The following AUTS2 variants were observed in gnomAD, a reference collection of about 807,000 sequenced individuals.
AUTS2 encodes activator of transcription and developmental regulator AUTS2.
AUTS2 carries 17 observed loss-of-function variants against 112.4 expected under a neutral mutation model. That is an observed-to-expected ratio of 0.15 (90% confidence interval 0.10 to 0.23). AUTS2 has a LOEUF of 0.23. Among genes scored for constraint, AUTS2 ranks in the 10% least tolerant of loss-of-function variants. AUTS2 has a pLI of 1.00. For missense variants in AUTS2, 1,510 were observed against 1,701.6 expected (o/e 0.89, Z 1.98); for synonymous variants, 751 against 702.7 (o/e 1.07, Z -1.09).
intron 2 of AUTS2, among the ~76,000 whole-genome samples, chr7:70,020,010 A>G (rs1198649858): frequency 2.0e-5 from 3 of 152,170 alleles, no homozygotes; most frequent in Non-Finnish European, 4.4e-5. Flanking sequence ...TGTCCAAGAT[A>G]GATAGGGGAG....
At chr7:70,287,094 TTTCTTC>T in intron 4 of AUTS2, among the ~76,000 whole-genome samples, 1 of 152,224 alleles carries the variant, frequency 6.6e-6, no homozygotes, top group Non-Finnish European at 1.5e-5. Flanking sequence ...GTTGCCTTGA[TTTCTTC>T]TACTTTTTGT....
chr7:69,925,688 T>G (rs1339413033), intron 2 of AUTS2, among the ~76,000 whole-genome samples: 2 of 152,320 alleles, frequency 1.3e-5, no homozygotes, highest in Non-Finnish European at 2.9e-5. Context: ...AGCCTGGCTT[T>G]TAAAAATCTT....
At chr7:70,267,592 G>C (rs759219308) in intron 4 of AUTS2, among the ~76,000 whole-genome samples, 11 of 152,292 alleles carry the variant, frequency 7.2e-5, no homozygotes, top group Non-Finnish European at 1.6e-4. Flanking sequence ...AATTTCGTTA[G>C]CTGTGTGACA....
Position 69,599,154 on chromosome 7 carries a change from T to C in AUTS2, c.-500T>C, listed in dbSNP as rs1452729882. The stretch of plus-strand genomic sequence containing the variant: ...GCCCCCACTTTTCCCGCGACCTTTT[T>C]CGGACCCGATTTTGGATCGAGTTGA... On this transcript the variant is annotated 5_prime_UTR_variant, in exon 1 of 19. Coordinates refer to ENST00000342771, the MANE Select transcript of AUTS2 (RefSeq NM_015570.4). This position sits in a 1 kb window ranked among gnomAD's most constrained non-coding sequence, Gnocchi z 7.0. 1 of 142,122 alleles carries C rather than the reference T, an allele frequency of 7.0e-6. No homozygotes were observed. The highest frequency in any genetic ancestry group is 2.6e-5 in the African/African-American group (1 of 39,112). 8.8% of individuals were successfully genotyped at this position (142,122 alleles called of 1,614,324 possible).
intron 4 of AUTS2, among the ~76,000 whole-genome samples, chr7:70,322,348 C>A (rs1790293324): frequency 6.6e-6 from 1 of 152,130 alleles, no homozygotes; most frequent in South Asian, 2.1e-4. Flanking sequence ...AGTGGAAGAA[C>A]AAGGCTATTC....
rs373384561 is a variant in AUTS2 at position 70,188,833 on chromosome 7, T to C, written c.660+54262T>C. 9.9e-4 allele frequency among the ~76,000 whole-genome samples: 150 copies of C among 151,044 alleles called. 2 individuals carry two copies. The highest frequency in any genetic ancestry group is 6.3e-3 in the South Asian group (30 of 4,752). Reference sequence around the variant, plus strand: ...TTGCGCTCTGTCGCCCAGGCTGGAGTGCAGTGGCCTCCCAAAGTGCTGAGA... The same window carrying C: ...TTGCGCTCTGTCGCCCAGGCTGGAGCGCAGTGGCCTCCCAAAGTGCTGAGA... On this transcript the variant is annotated intron_variant, in intron 4 of 18. Transcript: ENST00000342771.
chr7:70,196,839 A>C (rs957649716), intron 4 of AUTS2, among the ~76,000 whole-genome samples: 5 of 152,138 alleles, frequency 3.3e-5, no homozygotes, highest in South Asian at 4.2e-4. Flanking sequence ...TGCCTGTAGA[A>C]CTTGTGAAGT....
chr7:70,034,069 T>G (rs1166349102), intron 2 of AUTS2, among the ~76,000 whole-genome samples: 1 of 152,216 alleles, frequency 6.6e-6, no homozygotes, highest in African/African-American at 2.4e-5. Context: ...TATCATGCCA[T>G]AGCCCATAAA....
intron 5 of AUTS2, among the ~76,000 whole-genome samples, chr7:70,467,165 T>A (rs1797198250): frequency 6.6e-6 from 1 of 152,244 alleles, no homozygotes; most frequent in Non-Finnish European, 1.5e-5. Flanking sequence ...ACACAGCCTT[T>A]GATCTCTCTA....
chr7:69,642,346 C>G (rs1416897628), intron 1 of AUTS2, among the ~76,000 whole-genome samples: 1 of 152,062 alleles, frequency 6.6e-6, no homozygotes, highest in Non-Finnish European at 1.5e-5. Flanking sequence ...CAGGACAAAT[C>G]CATCCCAGTT....
At chr7:70,055,421 C>CA (rs1801948086) in intron 2 of AUTS2, among the ~76,000 whole-genome samples, 1 of 151,530 alleles carries the variant, frequency 6.6e-6, no homozygotes, top group Admixed American at 6.6e-5. Context: ...ACAACAAGAG[C>CA]AAAACTCCAT....
intron 4 of AUTS2, among the ~76,000 whole-genome samples, chr7:70,331,084 C>T (rs192963420): frequency 6.6e-6 from 1 of 152,124 alleles, no homozygotes; most frequent in South Asian, 2.1e-4. Flanking sequence ...GGGAGGAGTC[C>T]CTTTTTTTCT....
chr7:70,733,720 G>A (rs1218997177), intron 6 of AUTS2, among the ~76,000 whole-genome samples: 1 of 151,992 alleles, frequency 6.6e-6, no homozygotes, highest in Non-Finnish European at 1.5e-5. Flanking sequence ...CCAAGTAGCT[G>A]GAACTACAGG....
intron 5 of AUTS2, among the ~76,000 whole-genome samples, chr7:70,535,111 G>A (rs142388986): frequency 1.1e-3 from 166 of 151,364 alleles, no homozygotes; most frequent in Non-Finnish European, 1.9e-3. Context: ...ACCTGGGCTA[G>A]TAAGCTGTGT....
At chr7:69,890,022 A>G (rs1794450420) in intron 1 of AUTS2, among the ~76,000 whole-genome samples, 1 of 150,118 alleles carries the variant, frequency 6.7e-6, no homozygotes, top group African/African-American at 2.5e-5. Flanking sequence ...GGAGGAGTTA[A>G]TTTTTTTTTT....
chr7:70,426,496 G>A (rs1795443974), intron 4 of AUTS2, among the ~76,000 whole-genome samples: 1 of 152,118 alleles, frequency 6.6e-6, no homozygotes, highest in Non-Finnish European at 1.5e-5. Context: ...TTCTTGAAAA[G>A]TAATGACAGC....
chr7:69,965,966 A>G lies in AUTS2; in HGVS notation c.522+66468A>G, dbSNP rs947370919. Among the ~76,000 whole-genome samples the G allele has an allele frequency of 5.3e-5, 8 of 152,158 alleles. No individual in the cohort carries two copies. The South Asian group carries it at 6.2e-4, about 12-fold the overall frequency. On this transcript the variant is annotated intron_variant, in intron 2 of 18. Transcript: ENST00000342771. ...GACAATGCTTCTTCAAAATTATTAC[A>G]GGGAAGTTTATAATAATGGTGACTG...
intron 11 of AUTS2, 91 bp downstream of exon 11, chr7:70,771,735 G>A: frequency 8.9e-7 from 1 of 1,128,856 alleles, no homozygotes; most frequent in Middle Eastern, 2.8e-4. Flanking sequence ...TCTTGCCTGT[G>A]CAGTGACTCA....
At chr7:70,150,684 A>G (rs961579220) in intron 4 of AUTS2, among the ~76,000 whole-genome samples, 1 of 152,230 alleles carries the variant, frequency 6.6e-6, no homozygotes, top group Non-Finnish European at 1.5e-5. Context: ...AATTCAACAG[A>G]CAGCAGGCCA....
Sources: gnomAD v4.1 joint callset for allele counts (sites outside exome capture counted in the v4.1 genomes callset) on GRCh38, gnomAD v4.1.1 for gene constraint, Gnocchi (gnomAD v3.1) non-coding constraint, MANE v1.5 for transcripts, NCBI Gene and HGNC (gene_info 2026-07-23, HGNC 2026-07-21) for gene names.